The following MAPK14 variants were observed in gnomAD, a reference collection of about 807,000 sequenced individuals.
The protein encoded by MAPK14 is mitogen-activated protein kinase 14, also known as CSAID-binding protein.
MAPK14 carries 16 observed loss-of-function variants against 49.6 expected under a neutral mutation model. The observed-to-expected ratio is 0.32, with a 90% CI of 0.22 to 0.49. The LOEUF is 0.49. Ranked by LOEUF, MAPK14 falls within the 20% of genes least tolerant of loss-of-function variation. The pLI is 0.99. For synonymous variants in MAPK14, 142 were observed against 158.0 expected, an observed-to-expected ratio of 0.90 and a Z score of 0.76; for missense variants, 200 against 441.2, an observed-to-expected ratio of 0.45 and a Z score of 4.90.
At chr6:36,043,972 G>C (rs1034851029) in intron 1 of MAPK14, among the ~76,000 whole-genome samples, 1 of 151,582 alleles carries the variant, frequency 6.6e-6, no homozygotes, top group African/African-American at 2.4e-5. Context: ...CACCACACCT[G>C]GCTAATTTTG....
Position 36,028,500 on chromosome 6 carries a change from G to A in MAPK14, c.116+227G>A, listed in dbSNP as rs138454642. 9.5e-4 allele frequency among the ~76,000 whole-genome samples: 145 copies of A among 152,368 alleles called. 1 individual carries two copies. The highest frequency in any genetic ancestry group is 3.3e-3 in the African/African-American group (139 of 41,594). The stretch of plus-strand genomic sequence containing the variant: ...GCAGCACTCAGGTCCGCTGCGAGAG[G>A]TAGGTGGTGGTGCTGGAGCTCGGTT... On this transcript the variant is annotated intron_variant, in intron 1 of 11. Coordinates refer to ENST00000229794, the MANE Select transcript of MAPK14 (RefSeq NM_139012.3). This position sits in a 1 kb window ranked among gnomAD's most constrained non-coding sequence, Gnocchi z 5.1.
At chr6:36,047,681 A>G (rs566509687) in intron 1 of MAPK14, among the ~76,000 whole-genome samples, 138 of 152,254 alleles carry the variant, frequency 9.1e-4, no homozygotes, top group African/African-American at 3.1e-3. Context: ...GGGCTCAAGC[A>G]ATCTTCCTGC....
In MAPK14 at chr6:36,053,126, G is replaced by T. The variant is rs190637752; in HGVS notation, c.246+298G>T. The stretch of plus-strand genomic sequence containing the variant: ...ACAAAATTCACAATAATTTTTAAGA[G>T]AAAATATTAAAAAGAAGTTATGTAT... On this transcript the variant is annotated intron_variant, in intron 2 of 11. Transcript: ENST00000229794. Among the ~76,000 whole-genome samples the T allele has an allele frequency of 6.0e-5, 9 of 150,986 alleles. No homozygotes were observed. The East Asian group carries it at 1.8e-3, about 30-fold the overall frequency.
intron 8 of MAPK14, among the ~76,000 whole-genome samples, chr6:36,085,833 A>G (rs142029304): frequency 2.0e-5 from 3 of 152,346 alleles, no homozygotes; most frequent in South Asian, 4.1e-4. Context: ...AGAACTCTCT[A>G]TACAGAAACA....
intron 8 of MAPK14, among the ~76,000 whole-genome samples, chr6:36,090,128 T>C (rs974784188): frequency 1.3e-5 from 2 of 149,982 alleles, no homozygotes; most frequent in African/African-American, 2.5e-5. Context: ...TTAAATTTGC[T>C]TCTTATATAT....
At chr6:36,083,562 C>T (rs1764851590) in intron 8 of MAPK14, among the ~76,000 whole-genome samples, 1 of 152,218 alleles carries the variant, frequency 6.6e-6, no homozygotes, top group Non-Finnish European at 1.5e-5. Flanking sequence ...CCCTACAGTG[C>T]AGACCCTACA....
rs1176500208 is a variant in MAPK14, at chr6:36,108,431, A to G, written c.1067A>G (p.Glu356Gly). 1 of 1,613,980 alleles carries G rather than the reference A, an allele frequency of 6.2e-7. No homozygotes were observed. Among genetic ancestry groups the G allele is most frequent in the South Asian group, 1.1e-5 (1 of 91,086 alleles). ...ISFVPPPLDQ[E>G]EMES ...TTTGTGCCACCACCCCTTGACCAAG[A>G]AGAGATGGAGTCCTGAGCACCTGGT... Residue 356 changes from glutamate (E) to glycine (G), a missense_variant, in exon 12 of 12, where the codon GAA becomes GGA. Transcript: ENST00000229794.
chr6:36,121,496 G>A, the MAPK14 span, among the ~76,000 whole-genome samples: 1 of 152,210 alleles, frequency 6.6e-6, no homozygotes, highest in Non-Finnish European at 1.5e-5. Context: ...CCCTGGGCAA[G>A]TGTGAGGGAG....
At chr6:36,095,347 A>T (rs1241021643) in intron 8 of MAPK14, among the ~76,000 whole-genome samples, 1 of 152,200 alleles carries the variant, frequency 6.6e-6, no homozygotes, top group Non-Finnish European at 1.5e-5. Context: ...ATGCGATGGG[A>T]GAGCGCCCTC....
intron 9 of MAPK14, among the ~76,000 whole-genome samples, chr6:36,099,586 TCTC>T (rs1200673743): frequency 2.0e-5 from 3 of 152,210 alleles, no homozygotes; most frequent in Non-Finnish European, 4.4e-5. Flanking sequence ...CCTCTAACCT[TCTC>T]CTCTTCTCCT....
chr6:36,063,612 T>C (rs1269723615), intron 3 of MAPK14, among the ~76,000 whole-genome samples: 4 of 152,180 alleles, frequency 2.6e-5, no homozygotes, highest in Non-Finnish European at 5.9e-5. Flanking sequence ...AACATTGTTA[T>C]GTGGTACATG....
At chr6:36,055,278 C>G (rs1398138614) in intron 2 of MAPK14, among the ~76,000 whole-genome samples, 1 of 152,178 alleles carries the variant, frequency 6.6e-6, no homozygotes, top group Non-Finnish European at 1.5e-5. Flanking sequence ...TAAAAATGAT[C>G]AAGGAAATTG....
intron 11 of MAPK14, among the ~76,000 whole-genome samples, chr6:36,108,132 C>T (rs953606301): frequency 6.6e-6 from 1 of 151,986 alleles, no homozygotes; most frequent in African/African-American, 2.4e-5. Context: ...TGAGCACCTC[C>T]GTAGAGAGCT....
chr6:36,102,494 T>G, intron 9 of MAPK14, 77 bp from the exon 10 acceptor site: 1 of 1,116,078 alleles, frequency 9.0e-7, no homozygotes, highest in Non-Finnish European at 1.4e-6. Flanking sequence ...ACTCGTTCCT[T>G]AGCAGGACCA....
At chr6:36,061,287 GGGCATTCTGGAA>G (rs1275786212) in intron 3 of MAPK14, among the ~76,000 whole-genome samples, 1 of 152,100 alleles carries the variant, frequency 6.6e-6, no homozygotes, top group African/African-American at 2.4e-5. Context: ...TGGCCTAATT[GGGCATTCTGGAA>G]CCGGATTAAG....
intron 8 of MAPK14, among the ~76,000 whole-genome samples, chr6:36,081,136 T>C (rs1764742437): frequency 6.6e-6 from 1 of 152,222 alleles, no homozygotes; most frequent in African/African-American, 2.4e-5. Context: ...ACTTTCTTGA[T>C]AATGTCCTTT....
intron 1 of MAPK14, among the ~76,000 whole-genome samples, chr6:36,035,373 T>TTG (rs1224019058): frequency 1.3e-5 from 2 of 152,208 alleles, no homozygotes; most frequent in East Asian, 3.9e-4. Flanking sequence ...TTGATAAACA[T>TTG]TGTGTGTGTT....
At chr6:36,029,942 C>A (rs1293341070) in intron 1 of MAPK14, among the ~76,000 whole-genome samples, 9 of 124,434 alleles carry the variant, frequency 7.2e-5, no homozygotes, top group African/African-American at 2.1e-4. Flanking sequence ...TATATACATT[C>A]AGTATATACA....
intron 10 of MAPK14, among the ~76,000 whole-genome samples, chr6:36,104,339 T>A (rs994540736): frequency 3.9e-5 from 6 of 152,192 alleles, no homozygotes; most frequent in Non-Finnish European, 8.8e-5. Context: ...TGAGAAGCTC[T>A]CTTTGAGCCT....
Sources: gnomAD v4.1 joint callset for allele counts (sites outside exome capture counted in the v4.1 genomes callset) on GRCh38, gnomAD v4.1.1 for gene constraint, Gnocchi (gnomAD v3.1) non-coding constraint, MANE v1.5 for transcripts, NCBI Gene and HGNC (gene_info 2026-07-23, HGNC 2026-07-21) for gene names.